CTNNA1: variants seen among roughly 807,000 people sequenced by gnomAD.
CTNNA1 encodes the protein catenin alpha 1.
In CTNNA1, 37 loss-of-function variants were observed where a neutral mutation model predicts 98.4. That is an observed-to-expected ratio of 0.38 (90% CI 0.29 to 0.49). The LOEUF is 0.49. Ranked by LOEUF, CTNNA1 falls within the 20% of genes least tolerant of loss-of-function variation. CTNNA1 has a pLI of 0.95. For missense variants in CTNNA1, 761 were observed against 1,147.2 expected (o/e 0.66, Z 4.86); for synonymous variants, 404 against 413.2 (o/e 0.98, Z 0.27).
chr5:138,925,381 A>G lies in CTNNA1; in HGVS notation c.1873A>G (p.Ile625Val). The G allele has an allele frequency of 1.2e-6, 2 of 1,614,214 alleles. No homozygotes were observed. Among genetic ancestry groups the G allele is most frequent in the Non-Finnish European group, 1.7e-6 (2 of 1,180,042 alleles). Residue 625 changes from isoleucine to valine, a missense_variant, in exon 13 of 18, where the codon ATC (isoleucine) becomes GTC (valine). Transcript: ENST00000302763. ...CCTGGTATATGATGGCATCCGGGAC[A>G]TCAGGAAAGCAGTGCTGATGATAAG... ...SRLVYDGIRD[I>V]RKAVLMIRTP...
At chr5:138,889,966 T>C (rs1754996048) in intron 9 of CTNNA1, among the ~76,000 whole-genome samples, 1 of 152,234 alleles carries the variant, frequency 6.6e-6, no homozygotes, top group Non-Finnish European at 1.5e-5. Flanking sequence ...ACCACTTTTG[T>C]ATTATAATGA....
intron 1 of CTNNA1, among the ~76,000 whole-genome samples, chr5:138,756,449 G>A (rs1751656453): frequency 6.6e-6 from 1 of 152,140 alleles, no homozygotes; most frequent in Admixed American, 6.5e-5. Flanking sequence ...TTACAGGTGT[G>A]AGCCACCGCA....
At chr5:138,886,351 A>G (rs922113336) in intron 8 of CTNNA1, 59 bp downstream of exon 8, 18 of 1,519,816 alleles carry the variant, frequency 1.2e-5, no homozygotes, top group Middle Eastern at 3.5e-4. Context: ...AGTTTTGATT[A>G]AAATCCTAAT....
At chr5:138,925,558 G>C in intron 13 of CTNNA1, 151 bp downstream of exon 13, 1 of 1,206,476 alleles carries the variant, frequency 8.3e-7, no homozygotes, top group Non-Finnish European at 1.1e-6. Flanking sequence ...ATTTAATTAC[G>C]TTGTCTAAAA....
intron 9 of CTNNA1, among the ~76,000 whole-genome samples, chr5:138,900,559 TAGTC>T (rs1430129978): frequency 2.0e-5 from 3 of 152,174 alleles, no homozygotes; most frequent in Non-Finnish European, 4.4e-5. Flanking sequence ...TAGAGAAAAA[TAGTC>T]ATTATGGTTA....
At chr5:138,832,365 A>G (rs1761352630) in intron 7 of CTNNA1, among the ~76,000 whole-genome samples, 2 of 152,218 alleles carry the variant, frequency 1.3e-5, no homozygotes, top group African/African-American at 2.4e-5. Flanking sequence ...CCTTCAGTGT[A>G]TCCTTGTAGT....
At chr5:138,905,086 T>C (rs1581620551) in intron 10 of CTNNA1, among the ~76,000 whole-genome samples, 7 of 107,410 alleles carry the variant, frequency 6.5e-5, no homozygotes, top group South Asian at 2.9e-4. Flanking sequence ...AGAGCAAGAC[T>C]CCGTCTCAAA....
intron 7 of CTNNA1, among the ~76,000 whole-genome samples, chr5:138,834,956 T>C (rs1761629768): frequency 6.6e-6 from 1 of 151,998 alleles, no homozygotes; most frequent in South Asian, 2.1e-4. Context: ...CAATTTTTTG[T>C]GGGCAGGGGG....
At chr5:138,772,746 G>A (rs891655940) in intron 1 of CTNNA1, among the ~76,000 whole-genome samples, 12 of 152,186 alleles carry the variant, frequency 7.9e-5, no homozygotes, top group African/African-American at 2.7e-4. Context: ...TGGCTGTTGA[G>A]TGACAACATA....
intron 7 of CTNNA1, chr5:138,880,672 C>T (rs1752686473): frequency 1.1e-5 from 2 of 175,386 alleles, no homozygotes; most frequent in Admixed American, 5.8e-5. Flanking sequence ...TTTCCTCTTA[C>T]CTACATAGAT....
At chr5:138,932,208 C>T (rs1255180809) in intron 16 of CTNNA1, 15 of 1,028,868 alleles carry the variant, frequency 1.5e-5, no homozygotes, top group Middle Eastern at 4.6e-4. Flanking sequence ...CTTGCTGAGC[C>T]GGCTTGTTCT....
In CTNNA1 at chr5:138,916,982, C is replaced by T. The variant is rs375660408; in HGVS notation, c.1390-760C>T. Among the ~76,000 whole-genome samples, 21 of 152,212 alleles carry T rather than the reference C, an allele frequency of 1.4e-4. No homozygotes were observed. In the East Asian group the frequency reaches 3.5e-3, roughly 25 times the overall value. ...AGAGACGGGGTTTCACCATGTTGGT[C>T]AGGCTGGTCTCGAACTCCAGACCTC... On this transcript the variant is annotated intron_variant, in intron 10 of 17. Transcript: ENST00000302763.
chr5:138,878,413 A>G (rs2149970926), intron 7 of CTNNA1, among the ~76,000 whole-genome samples: 1 of 152,340 alleles, frequency 6.6e-6, no homozygotes, highest in South Asian at 2.1e-4. Flanking sequence ...TTTGCTGTAG[A>G]GCAGCTTTTT....
At position 138,873,569 on chromosome 5, in the gene CTNNA1, C is replaced by A; in HGVS notation, c.1063-12643C>A. The A allele has an allele frequency of 6.2e-7, 1 of 1,613,956 alleles. No individual in the cohort carries two copies. Among genetic ancestry groups the A allele is most frequent in the Non-Finnish European group, 8.5e-7 (1 of 1,179,888 alleles). ...GCATAGGATGGAGTGTTCCCACCGA[C>A]CTTGGAAACTGCCCAGCCAGGAGGC... On this transcript the variant is annotated intron_variant, in intron 7 of 17. Transcript: ENST00000302763. This position sits in a 1 kb window ranked among gnomAD's most constrained non-coding sequence, Gnocchi z 6.1.
At chr5:138,924,732 A>G in intron 12 of CTNNA1, 22 bp downstream of exon 12, 2 of 1,549,108 alleles carry the variant, frequency 1.3e-6, no homozygotes, top group Non-Finnish European at 1.7e-6. Flanking sequence ...CTCCCTTTCC[A>G]GTGCTCGCAC....
chr5:138,917,931 A>C, intron 11 of CTNNA1, 33 bp downstream of exon 11: 1 of 1,605,644 alleles, frequency 6.2e-7, no homozygotes, highest in Non-Finnish European at 8.5e-7. Flanking sequence ...AAGTATGTGA[A>C]GATGTTCATA....
Position 138,786,401 on chromosome 5 carries a change from T to C in CTNNA1, c.301+3029T>C, listed in dbSNP as rs532394345. 6.6e-5 allele frequency among the ~76,000 whole-genome samples: 10 copies of C among 152,342 alleles called. No homozygotes were observed. The East Asian group carries it at 1.7e-3, about 26-fold the overall frequency. On this transcript the variant is annotated intron_variant, in intron 3 of 17. Transcript: ENST00000302763. ...GATTGCTTAATCAACTGAGACTTGT[T>C]GGCTATGTCGTTGAAGCCATTTACT...
At chr5:138,930,778 A>G in intron 15 of CTNNA1, 52 bp from the exon 16 acceptor site, 1 of 1,525,494 alleles carries the variant, frequency 6.6e-7, no homozygotes, top group Non-Finnish European at 9.1e-7. Context: ...TTTCTACTCC[A>G]ACTGTGAGGG....
chr5:138,842,719 G>A (rs1762375539), intron 7 of CTNNA1, among the ~76,000 whole-genome samples: 1 of 152,144 alleles, frequency 6.6e-6, no homozygotes, highest in African/African-American at 2.4e-5. Context: ...GGAACACCAG[G>A]CCTAAATGGG....
Sources: allele counts gnomAD v4.1 joint callset (sites outside exome capture counted in the v4.1 genomes callset), GRCh38; gene constraint gnomAD v4.1.1; non-coding constraint Gnocchi (gnomAD v3.1); transcripts MANE v1.5; gene names NCBI Gene and HGNC (gene_info 2026-07-23, HGNC 2026-07-21).